PDE11A: variants seen among roughly 807,000 people sequenced by gnomAD.
The protein encoded by PDE11A is phosphodiesterase 11A.
In PDE11A, 100 loss-of-function variants were observed where a neutral mutation model predicts 100.5. The ratio of observed to expected loss-of-function variants is 1.00; its 90% CI spans 0.85 to 1.18. The LOEUF (loss-of-function observed/expected upper bound fraction) is 1.18. Ranked by LOEUF, PDE11A falls within the 50% of genes most tolerant of loss-of-function variation. The pLI is 0.00. For missense variants in PDE11A, 1,141 were observed against 1,152.6 expected (o/e 0.99, Z 0.15); for synonymous variants, 381 against 420.8 (o/e 0.91, Z 1.16).
intron 19 of PDE11A, among the ~76,000 whole-genome samples, chr2:177,637,296 G>A (rs1454870429): frequency 1.3e-5 from 2 of 152,130 alleles, no homozygotes; most frequent in Admixed American, 6.5e-5. Context: ...CTAATGCATT[G>A]TGTAAAAAAT....
At chr2:177,728,997 T>C (rs2081643854) in intron 10 of PDE11A, among the ~76,000 whole-genome samples, 2 of 151,978 alleles carry the variant, frequency 1.3e-5, no homozygotes, top group Non-Finnish European at 2.9e-5. Flanking sequence ...GGTAAGGGAG[T>C]CACTTTTATA....
At chr2:177,792,294 A>G (rs1274426982) in intron 9 of PDE11A, among the ~76,000 whole-genome samples, 4 of 152,188 alleles carry the variant, frequency 2.6e-5, no homozygotes, top group African/African-American at 9.6e-5. Flanking sequence ...AGCAACTTGG[A>G]TTGGTTATTG....
At chr2:177,993,958 CAG>C (rs1231178951) in intron 2 of PDE11A, among the ~76,000 whole-genome samples, 1 of 127,258 alleles carries the variant, frequency 7.9e-6, no homozygotes, top group Non-Finnish European at 1.7e-5. Flanking sequence ...TTTTTTGAGG[CAG>C]AGTCTCACTC....
At chr2:177,906,932 G>A (rs1287753346) in intron 2 of PDE11A, among the ~76,000 whole-genome samples, 1 of 152,070 alleles carries the variant, frequency 6.6e-6, no homozygotes, top group East Asian at 1.9e-4. Flanking sequence ...ACTATAACGG[G>A]GATAAAAGCA....
At chr2:177,898,978 C>T (rs988408181) in intron 3 of PDE11A, among the ~76,000 whole-genome samples, 5 of 152,158 alleles carry the variant, frequency 3.3e-5, no homozygotes, top group African/African-American at 1.2e-4. Context: ...CCATTCCCAG[C>T]TTTTCACTTG....
chr2:177,637,979 G>GTA (rs1191837108), intron 19 of PDE11A, among the ~76,000 whole-genome samples: 671 of 50,922 alleles, frequency 0.013, 54 homozygotes, highest in African/African-American at 0.037. Flanking sequence ...ATATACACGT[G>GTA]TATATATATA....
At chr2:178,035,578 A>G (rs1246368132) in intron 1 of PDE11A, among the ~76,000 whole-genome samples, 1 of 152,330 alleles carries the variant, frequency 6.6e-6, no homozygotes, top group East Asian at 1.9e-4. Context: ...ACAACAAAAA[A>G]AGAAATTTTC....
At chr2:178,101,127 G>A (rs1192656696) in intron 2 of PDE11A, among the ~76,000 whole-genome samples, 1 of 152,172 alleles carries the variant, frequency 6.6e-6, no homozygotes, top group African/African-American at 2.4e-5. Context: ...TGCAAGCTCA[G>A]CGGCCCCCAA....
At chr2:177,650,778 G>T (rs2080296478) in intron 19 of PDE11A, among the ~76,000 whole-genome samples, 1 of 152,088 alleles carries the variant, frequency 6.6e-6, no homozygotes, top group African/African-American at 2.4e-5. Context: ...TATCAAGTCA[G>T]GTCACTTAAT....
intron 18 of PDE11A, among the ~76,000 whole-genome samples, chr2:177,668,071 C>T (rs1005686098): frequency 2.0e-5 from 3 of 152,148 alleles, no homozygotes; most frequent in Non-Finnish European, 2.9e-5. Flanking sequence ...AGTGGTGCTC[C>T]GTAGTCTTTG....
intron 2 of PDE11A, among the ~76,000 whole-genome samples, chr2:177,942,166 C>CCCAG (rs1376611266): frequency 6.6e-6 from 1 of 152,172 alleles, no homozygotes; most frequent in Admixed American, 6.5e-5. Flanking sequence ...AGGTTGGGAC[C>CCCAG]CTGGCTTCAT....
intron 19 of PDE11A, among the ~76,000 whole-genome samples, chr2:177,658,316 A>G (rs556709286): frequency 3.8e-4 from 58 of 152,316 alleles, no homozygotes; most frequent in Middle Eastern, 3.4e-3. Context: ...AGTTTAAATA[A>G]TAGTCCCTGA....
intron 2 of PDE11A, among the ~76,000 whole-genome samples, chr2:177,996,356 G>T (rs1255769904): frequency 6.6e-6 from 1 of 151,744 alleles, no homozygotes; most frequent in Admixed American, 6.6e-5. Context: ...TAAATAACAA[G>T]TTAATAACAG....
chr2:177,697,921 C>G (rs865920298), intron 14 of PDE11A, among the ~76,000 whole-genome samples: 14 of 152,260 alleles, frequency 9.2e-5, no homozygotes, highest in Middle Eastern at 3.4e-3. Context: ...CAGCTGGGGG[C>G]CGTTTTGACA....
intron 2 of PDE11A, among the ~76,000 whole-genome samples, chr2:177,941,571 G>A (rs146880593): frequency 5.5e-4 from 84 of 152,236 alleles, no homozygotes; most frequent in African/African-American, 1.9e-3. Flanking sequence ...TCTCTACAAA[G>A]AGATCTGGAA....
intron 2 of PDE11A, among the ~76,000 whole-genome samples, chr2:177,995,596 G>C (rs1230488462): frequency 6.6e-6 from 1 of 151,862 alleles, no homozygotes; most frequent in African/African-American, 2.4e-5. Context: ...GCAGAACAAA[G>C]GCTCTATGCT....
At chr2:177,994,475 GT>G (rs1362327023) in intron 2 of PDE11A, among the ~76,000 whole-genome samples, 1 of 152,164 alleles carries the variant, frequency 6.6e-6, no homozygotes, top group African/African-American at 2.4e-5. Context: ...ATTTTTCCAA[GT>G]TTTTTTCCTA....
intron 1 of PDE11A, among the ~76,000 whole-genome samples, chr2:178,016,695 A>G (rs1185488883): frequency 6.6e-6 from 1 of 152,222 alleles, no homozygotes; most frequent in South Asian, 2.1e-4. Flanking sequence ...GACTTCAATC[A>G]TGAGTAAGAA....
chr2:177,801,378 C>T (rs1370380722), intron 9 of PDE11A, among the ~76,000 whole-genome samples: 1 of 152,010 alleles, frequency 6.6e-6, no homozygotes, highest in Non-Finnish European at 1.5e-5. Flanking sequence ...GCTGAGTCCT[C>T]GGTATGGAGA....
Sources: gnomAD v4.1 joint callset for allele counts (sites outside exome capture counted in the v4.1 genomes callset) on GRCh38, gnomAD v4.1.1 for gene constraint, MANE v1.5 for transcripts, NCBI Gene and HGNC (gene_info 2026-07-23, HGNC 2026-07-21) for gene names.